ZDHHC11: variants seen among roughly 807,000 people sequenced by gnomAD.
The protein encoded by ZDHHC11 is zDHHC palmitoyltransferase 11.
ZDHHC11 carries 44 observed loss-of-function variants against 51.3 expected under a neutral mutation model. That is an observed-to-expected ratio of 0.86 (90% CI 0.67 to 1.10). ZDHHC11 has a LOEUF of 1.10. ZDHHC11 is among the 50% of genes least tolerant of loss of function. ZDHHC11 has a pLI of 0.00. For missense variants in ZDHHC11, 400 were observed against 537.7 expected, an observed-to-expected ratio of 0.74 and a Z score of 2.53; for synonymous variants, 163 against 222.0, an observed-to-expected ratio of 0.73 and a Z score of 2.36.
chr5:854,219 G>A (rs536986856), upstream of ZDHHC11, among the ~76,000 whole-genome samples: 72 of 148,848 alleles, frequency 4.8e-4, no homozygotes, highest in South Asian at 5.2e-3. Flanking sequence ...AGCAAGCCAG[G>A]GGGTCAGACT....
At position 818,480 on chromosome 5, in the gene ZDHHC11, G is replaced by A. The variant is rs755242270; in HGVS notation, c.1146+1045C>T. Among the ~76,000 whole-genome samples, 26 of 151,778 alleles carry A rather than the reference G, an allele frequency of 1.7e-4. 2 individuals are homozygous for A. Among genetic ancestry groups the A allele is most frequent in the Non-Finnish European group, 3.5e-4 (24 of 67,778 alleles). On this transcript the variant is annotated intron_variant, in intron 10 of 12. Coordinates refer to ENST00000283441, the MANE Select transcript of ZDHHC11 (RefSeq NM_024786.3). ...CTGTTCCCTGAAGTCCTGGGGAAGT[G>A]TGGTGAGGCGGCCCTGCCCCAACAG...
In ZDHHC11 at chr5:847,329, C is replaced by A. The variant is rs1294215478; in HGVS notation, c.503+185G>T. 8.8e-3 allele frequency among the ~76,000 whole-genome samples: 1,341 copies of A among 151,616 alleles called. 6 individuals are homozygous for A. Among genetic ancestry groups the A allele is most frequent in the African/African-American group, 0.031 (1,285 of 41,232 alleles). ...ATGAGCTTGTCCAGGGACGGCTGCACCACAGCCCCAGAGCCAGACAGGAGG... is the reference window on the plus strand; with the variant it reads ...ATGAGCTTGTCCAGGGACGGCTGCAACACAGCCCCAGAGCCAGACAGGAGG... On this transcript the variant is annotated intron_variant, in intron 3 of 12. Coordinates refer to ENST00000283441, the MANE Select transcript of ZDHHC11 (RefSeq NM_024786.3).
intron 7 of ZDHHC11, among the ~76,000 whole-genome samples, chr5:825,595 A>G (rs2150348020): frequency 6.6e-6 from 1 of 152,354 alleles, no homozygotes; most frequent in South Asian, 2.1e-4. Flanking sequence ...CAGCTCCCAC[A>G]TGGAGAGACA....
intron 12 of ZDHHC11, among the ~76,000 whole-genome samples, chr5:798,427 A>AC (rs1183169073): frequency 2.6e-5 from 4 of 151,466 alleles, no homozygotes; most frequent in African/African-American, 9.7e-5. Context: ...GCACACACAC[A>AC]CCCTTAACTT....
chr5:801,297 C>A, intron 11 of ZDHHC11, 133 bp from the exon 12 acceptor site: 1 of 1,099,918 alleles, frequency 9.1e-7, no homozygotes, highest in Non-Finnish European at 1.3e-6. Flanking sequence ...AATCACTTCA[C>A]CTCTCTGAGT....
At chr5:852,684 A>T (rs1747416862), upstream of ZDHHC11, among the ~76,000 whole-genome samples, 1 of 150,302 alleles carries the variant, frequency 6.7e-6, no homozygotes, top group African/African-American at 2.5e-5. Context: ...AGCCGGGGGG[A>T]CAGACCACAC....
intron 10 of ZDHHC11, chr5:816,613 CT>C: frequency 1.6e-6 from 1 of 628,358 alleles, no homozygotes; most frequent in South Asian, 1.4e-5. Context: ...GTACAATCTC[CT>C]GTTGCTTTGC....
At chr5:820,596 C>T (rs930338389) in intron 9 of ZDHHC11, among the ~76,000 whole-genome samples, 13 of 151,088 alleles carry the variant, frequency 8.6e-5, no homozygotes, top group African/African-American at 3.2e-4. Flanking sequence ...GGGGGCTGCA[C>T]TCCACTTTCT....
At position 837,766 on chromosome 5, in the gene ZDHHC11, G is replaced by T. The variant is rs1398513141; in HGVS notation, c.785-286C>A. On this transcript the variant is annotated intron_variant, in intron 5 of 12. Coordinates refer to ENST00000283441, the MANE Select transcript of ZDHHC11 (RefSeq NM_024786.3). ...TGCCACGGCCTCATTGAGCTGCATT[G>T]TTAGTGGTGTCAGAGATGAGCTGTC... 7.2e-5 allele frequency among the ~76,000 whole-genome samples: 11 copies of T among 151,934 alleles called. 1 individual carries two copies. The highest frequency in any genetic ancestry group is 2.4e-4 in the African/African-American group (10 of 41,432).
chr5:847,350 G>C (rs139736173), intron 3 of ZDHHC11, among the ~76,000 whole-genome samples, 164 bp downstream of exon 3: 13,991 of 129,688 alleles, frequency 0.11, 147 homozygotes, highest in African/African-American at 0.24. Context: ...GAGCCAGACA[G>C]GAGGCCGGGG....
At chr5:816,372 AG>A (rs1740795296) in intron 10 of ZDHHC11, 1 of 296,164 alleles carries the variant, frequency 3.4e-6, no homozygotes, top group Non-Finnish European at 6.3e-6. Context: ...CACGGGCGGG[AG>A]GGGGGCGGTA....
At chr5:824,333 C>T (rs554670436) in intron 8 of ZDHHC11, among the ~76,000 whole-genome samples, 9 of 151,480 alleles carry the variant, frequency 5.9e-5, no homozygotes, top group East Asian at 1.9e-4. Flanking sequence ...TGGTGGCATA[C>T]GCTTGTACTT....
At chr5:820,674 C>T (rs1201038972) in intron 9 of ZDHHC11, among the ~76,000 whole-genome samples, 5 of 151,310 alleles carry the variant, frequency 3.3e-5, no homozygotes, top group African/African-American at 1.2e-4. Context: ...ATGTGGTCCC[C>T]TCCCAATGGA....
Position 850,887 on chromosome 5 carries a change from A to AGAGGACCTGGCCAGTCCTCCG in ZDHHC11, c.-286_-285insCGGAGGACTGGCCAGGTCCTC. 1.8e-6 allele frequency: 1 copy of AGAGGACCTGGCCAGTCCTCCG among 544,536 alleles called. No homozygotes were observed. Among genetic ancestry groups the AGAGGACCTGGCCAGTCCTCCG allele is most frequent in the Non-Finnish European group, 3.3e-6 (1 of 306,600 alleles). The allele number at this position is 544,536 out of a possible 1,614,324, so 33.7% of individuals were successfully genotyped here. On this transcript the variant is annotated 5_prime_UTR_variant, in exon 1 of 13. Transcript: ENST00000283441. ...CGGCTCTCCAGGGTGTGGAGGACCCAGTGCCCGCGCGACCGCCCATCAGTT... is the reference window on the plus strand; with the variant it reads ...CGGCTCTCCAGGGTGTGGAGGACCCAGAGGACCTGGCCAGTCCTCCGGTGCCCGCGCGACCGCCCATCAGTT...
chr5:814,251 A>C (rs1322219516), intron 11 of ZDHHC11, among the ~76,000 whole-genome samples: 2 of 150,140 alleles, frequency 1.3e-5, no homozygotes, highest in Non-Finnish European at 3.0e-5. Context: ...TTATTTCATC[A>C]TGGGAACAGG....
intron 12 of ZDHHC11, among the ~76,000 whole-genome samples, chr5:796,836 G>A (rs1416924901): frequency 2.6e-5 from 4 of 152,216 alleles, no homozygotes; most frequent in Non-Finnish European, 4.4e-5. Flanking sequence ...CACCGACAGA[G>A]GCCATTTTCT....
Position 818,764 on chromosome 5 carries a change from G to A in ZDHHC11, c.1146+761C>T, listed in dbSNP as rs1191682043. On this transcript the variant is annotated intron_variant, in intron 10 of 12. Transcript: ENST00000283441. The stretch of plus-strand genomic sequence containing the variant: ...TAGTTTCAGCTACTCGGGAGGCTGA[G>A]GTGGGAAGATCGCTTGAGCCCAGGA... Among the ~76,000 whole-genome samples, 3 of 151,572 alleles carry A rather than the reference G, an allele frequency of 2.0e-5. No homozygotes were observed. The South Asian group carries it at 6.3e-4, about 32-fold the overall frequency.
At chr5:818,721 T>G (rs1741160450) in intron 10 of ZDHHC11, among the ~76,000 whole-genome samples, 1 of 151,408 alleles carries the variant, frequency 6.6e-6, no homozygotes, top group African/African-American at 2.4e-5. Context: ...ATTGGCTGGG[T>G]GTGGTGGCAC....
At chr5:824,127 C>A in intron 8 of ZDHHC11, 1 of 452,790 alleles carries the variant, frequency 2.2e-6, no homozygotes, top group Non-Finnish European at 4.4e-6. Flanking sequence ...ACACCTGTAA[C>A]CTCCAGAAGC....
Sources: allele counts gnomAD v4.1 joint callset (sites outside exome capture counted in the v4.1 genomes callset), GRCh38; gene constraint gnomAD v4.1.1; transcripts MANE v1.5; gene names NCBI Gene and HGNC (gene_info 2026-07-23, HGNC 2026-07-21).